NKAIN2: variants seen among roughly 807,000 people sequenced by gnomAD.
The protein encoded by NKAIN2 is sodium/potassium-transporting ATPase subunit beta-1-interacting protein 2.
Under a neutral mutation model 32.6 loss-of-function variants are expected in NKAIN2, and 14 were observed. The ratio of observed to expected loss-of-function variants is 0.43; its 90% CI spans 0.28 to 0.67. The LOEUF is 0.67. Among genes scored for constraint, NKAIN2 ranks in the 30% least tolerant of loss-of-function variants. NKAIN2 has a pLI of 0.17. For synonymous variants in NKAIN2, 80 were observed against 87.2 expected, an observed-to-expected ratio of 0.92 and a Z score of 0.46; for missense variants, 198 against 258.3, an observed-to-expected ratio of 0.77 and a Z score of 1.60.
At chr6:123,924,159 G>A (rs1775901021) in intron 1 of NKAIN2, among the ~76,000 whole-genome samples, 1 of 152,000 alleles carries the variant, frequency 6.6e-6, no homozygotes, top group Admixed American at 6.6e-5. Flanking sequence ...AATGCATTTG[G>A]CAATTATTTA....
intron 2 of NKAIN2, among the ~76,000 whole-genome samples, chr6:124,338,187 T>A (rs553030296): frequency 1.3e-5 from 2 of 152,222 alleles, no homozygotes; most frequent in African/African-American, 4.8e-5. Flanking sequence ...AGAACATAGC[T>A]AAAAGTGATG....
chr6:123,838,841 A>T (rs930123456), intron 1 of NKAIN2, among the ~76,000 whole-genome samples: 1 of 152,206 alleles, frequency 6.6e-6, no homozygotes, highest in African/African-American at 2.4e-5. Flanking sequence ...CCTGTATGCT[A>T]GAAAAAGGCA....
intron 1 of NKAIN2, among the ~76,000 whole-genome samples, chr6:123,835,979 T>C (rs941335658): frequency 5.3e-5 from 8 of 151,484 alleles, no homozygotes; most frequent in Non-Finnish European, 8.9e-5. Context: ...TACAATATTA[T>C]TGGAAAGTCA....
chr6:124,259,767 G>C (rs1794138310), intron 1 of NKAIN2, among the ~76,000 whole-genome samples: 1 of 152,052 alleles, frequency 6.6e-6, no homozygotes, highest in South Asian at 2.1e-4. Context: ...GACTATTATG[G>C]TGGTTCTTGG....
chr6:124,011,739 C>G (rs1333056841), intron 1 of NKAIN2, among the ~76,000 whole-genome samples: 1 of 152,156 alleles, frequency 6.6e-6, no homozygotes, highest in Non-Finnish European at 1.5e-5. Flanking sequence ...AAGGCCTAAG[C>G]CTTTGTAGCT....
chr6:124,038,432 C>G (rs1175821774), intron 1 of NKAIN2, among the ~76,000 whole-genome samples: 1 of 152,012 alleles, frequency 6.6e-6, no homozygotes, highest in East Asian at 1.9e-4. Context: ...TCAGGCTGGT[C>G]TTGAACTCCT....
chr6:124,788,700 G>A (rs900116126), intron 4 of NKAIN2, among the ~76,000 whole-genome samples: 3 of 151,940 alleles, frequency 2.0e-5, no homozygotes, highest in Non-Finnish European at 2.9e-5. Flanking sequence ...ACCTCCCACC[G>A]GGTCCCTCCC....
chr6:124,811,555 A>C lies in NKAIN2; in HGVS notation c.536-6832A>C, dbSNP rs1462256468. Among the ~76,000 whole-genome samples the C allele has an allele frequency of 5.9e-5, 9 of 152,262 alleles. 1 individual carries two copies. The South Asian group carries it at 1.0e-3, about 18-fold the overall frequency. Reference sequence around the variant, plus strand: ...AATTCCACTATCATTAATGTTACTAAATCATAGTTATTAAATTGATATGGC... The same window carrying C: ...AATTCCACTATCATTAATGTTACTACATCATAGTTATTAAATTGATATGGC... On this transcript the variant is annotated intron_variant, in intron 5 of 6. Coordinates refer to ENST00000368417, the MANE Select transcript of NKAIN2 (RefSeq NM_001040214.3).
At chr6:124,006,705 C>A (rs1035077969) in intron 1 of NKAIN2, among the ~76,000 whole-genome samples, 5 of 152,100 alleles carry the variant, frequency 3.3e-5, no homozygotes, top group Non-Finnish European at 5.9e-5. Flanking sequence ...CTGATTGGAC[C>A]AGGCAGGATG....
chr6:124,335,329 A>G (rs549150466), intron 2 of NKAIN2, among the ~76,000 whole-genome samples: 1 of 152,300 alleles, frequency 6.6e-6, no homozygotes, highest in South Asian at 2.1e-4. Flanking sequence ...ATATATAGAG[A>G]GAGATTGATT....
chr6:124,719,268 G>A (rs1212064259), intron 4 of NKAIN2, among the ~76,000 whole-genome samples: 1 of 151,942 alleles, frequency 6.6e-6, no homozygotes, highest in Non-Finnish European at 1.5e-5. Flanking sequence ...GCTGACACTG[G>A]TTCAAACTTT....
At chr6:124,154,318 A>C (rs973017459) in intron 1 of NKAIN2, among the ~76,000 whole-genome samples, 1 of 151,790 alleles carries the variant, frequency 6.6e-6, no homozygotes, top group Non-Finnish European at 1.5e-5. Context: ...AGACTGTAAA[A>C]CTTCTCTGTC....
chr6:124,735,249 C>T (rs560277741), intron 4 of NKAIN2, among the ~76,000 whole-genome samples: 3 of 151,988 alleles, frequency 2.0e-5, no homozygotes, highest in African/African-American at 7.2e-5. Flanking sequence ...TTGAGTTAAA[C>T]AGACTTTTAT....
At chr6:124,299,105 C>G (rs912334131) in intron 2 of NKAIN2, among the ~76,000 whole-genome samples, 1 of 152,162 alleles carries the variant, frequency 6.6e-6, no homozygotes, top group African/African-American at 2.4e-5. Flanking sequence ...CTGGAAAATG[C>G]CTGTAGGGAG....
intron 3 of NKAIN2, among the ~76,000 whole-genome samples, chr6:124,591,478 G>A (rs1781910294): frequency 6.6e-6 from 1 of 152,048 alleles, no homozygotes; most frequent in African/African-American, 2.4e-5. Flanking sequence ...AAAGCCTAGA[G>A]CCATTTCTAC....
Position 124,503,445 on chromosome 6 carries a change from C to G in NKAIN2, c.273+148098C>G, listed in dbSNP as rs949165911. Among the ~76,000 whole-genome samples, 10 of 151,870 alleles carry G rather than the reference C, an allele frequency of 6.6e-5. No individual in the cohort carries two copies. The East Asian group carries it at 1.7e-3, about 26-fold the overall frequency. ...ACTTGTGCTGATGTGAAATATAGCC[C>G]GAAAGTAGCTTAAAATATTTTCTAC... is the stretch of plus-strand genomic sequence containing the variant. On this transcript the variant is annotated intron_variant, in intron 3 of 6. Transcript: ENST00000368417.
intron 4 of NKAIN2, among the ~76,000 whole-genome samples, chr6:124,690,073 C>T (rs1038962235): frequency 6.6e-6 from 1 of 152,108 alleles, no homozygotes; most frequent in African/African-American, 2.4e-5. Context: ...ATTGAATAAT[C>T]TTATCCATGA....
chr6:123,976,744 C>A (rs1234918743), intron 1 of NKAIN2, among the ~76,000 whole-genome samples: 1 of 151,992 alleles, frequency 6.6e-6, no homozygotes, highest in Non-Finnish European at 1.5e-5. Context: ...GATTTACTAC[C>A]TTTATATGCA....
intron 1 of NKAIN2, among the ~76,000 whole-genome samples, chr6:123,981,809 T>G (rs985593042): frequency 6.6e-6 from 1 of 151,858 alleles, no homozygotes; most frequent in Non-Finnish European, 1.5e-5. Context: ...TGTGAGTGTG[T>G]TGAGGGAGGG....
Sources: gnomAD v4.1 joint callset for allele counts (sites outside exome capture counted in the v4.1 genomes callset) on GRCh38, gnomAD v4.1.1 for gene constraint, MANE v1.5 for transcripts, NCBI Gene and HGNC (gene_info 2026-07-23, HGNC 2026-07-21) for gene names.